VPS41: variants seen among roughly 807,000 people sequenced by gnomAD.
VPS41 encodes the protein VPS41 subunit of HOPS complex.
Under a neutral mutation model 130.9 loss-of-function variants are expected in VPS41, and 85 were observed. That is an observed-to-expected ratio of 0.65 (90% CI 0.55 to 0.78). The LOEUF (loss-of-function observed/expected upper bound fraction) is 0.78. Ranked by LOEUF, VPS41 falls within the 30% of genes least tolerant of loss-of-function variation. The pLI is 0.00. For synonymous variants in VPS41, 335 were observed against 332.9 expected (o/e 1.01, Z -0.07); for missense variants, 874 against 1,018.7 (o/e 0.86, Z 1.93).
intron 4 of VPS41, among the ~76,000 whole-genome samples, chr7:38,854,975 C>T (rs1007919125): frequency 6.6e-6 from 1 of 151,602 alleles, no homozygotes; most frequent in Non-Finnish European, 1.5e-5. Context: ...CTTTGGCAGG[C>T]CGAGGTGGGC....
At chr7:38,855,339 G>T (rs916558575) in intron 4 of VPS41, among the ~76,000 whole-genome samples, 2 of 151,790 alleles carry the variant, frequency 1.3e-5, no homozygotes, top group African/African-American at 4.8e-5. Flanking sequence ...CATTTCTTTT[G>T]CTGAAACATG....
intron 12 of VPS41, among the ~76,000 whole-genome samples, chr7:38,773,230 T>C (rs1784190202): frequency 6.6e-6 from 1 of 152,204 alleles, no homozygotes. Flanking sequence ...ATCTGAGGGT[T>C]TCCTGCAGAA....
At chr7:38,728,631 T>C in intron 26 of VPS41, 45 bp from the exon 27 acceptor site, 1 of 1,613,962 alleles carries the variant, frequency 6.2e-7, no homozygotes, top group Non-Finnish European at 8.5e-7. Context: ...TGTTTATACC[T>C]GCTTGGCCAT....
chr7:38,793,330 T>G (rs1490398183), intron 9 of VPS41, among the ~76,000 whole-genome samples: 1 of 152,178 alleles, frequency 6.6e-6, no homozygotes, highest in Non-Finnish European at 1.5e-5. Flanking sequence ...GCACACTTTA[T>G]TTTACTGTTT....
chr7:38,855,635 G>C (rs1023330452), intron 4 of VPS41, among the ~76,000 whole-genome samples: 1 of 152,256 alleles, frequency 6.6e-6, no homozygotes. Context: ...AATGTACAAG[G>C]AGATAAGGGT....
chr7:38,820,729 C>G (rs1051497248), intron 6 of VPS41, among the ~76,000 whole-genome samples: 7 of 152,186 alleles, frequency 4.6e-5, no homozygotes, highest in African/African-American at 1.7e-4. Context: ...GGTGAACTTT[C>G]TAGCCTCTCC....
chr7:38,793,715 C>T (rs1334071232), intron 9 of VPS41, among the ~76,000 whole-genome samples: 1 of 152,110 alleles, frequency 6.6e-6, no homozygotes, highest in African/African-American at 2.4e-5. Flanking sequence ...CCTCTGGAGG[C>T]TCTAGGGGAC....
chr7:38,726,812 C>G, intron 28 of VPS41, 97 bp downstream of exon 28: 1 of 1,070,872 alleles, frequency 9.3e-7, no homozygotes, highest in Non-Finnish European at 1.3e-6. Flanking sequence ...TTTTTTTAAC[C>G]CATACAGCCA....
chr7:38,746,767 C>A (rs1011394565), intron 22 of VPS41, among the ~76,000 whole-genome samples: 2 of 152,182 alleles, frequency 1.3e-5, no homozygotes, highest in Non-Finnish European at 2.9e-5. Context: ...GCATCCACAA[C>A]CTAGCCCTTA....
intron 2 of VPS41, among the ~76,000 whole-genome samples, chr7:38,869,516 C>G (rs141234113): frequency 5.9e-5 from 9 of 152,256 alleles, no homozygotes; most frequent in African/African-American, 2.2e-4. Context: ...ACATGTTCAA[C>G]CTTACTATTT....
rs1306858901 is a variant in VPS41 at position 38,900,848 on chromosome 7, A to C, written c.22-2719T>G. ...CACAATCCTACCAAAGCAATGCATG[A>C]GTGATGTCAAGAATTAGGCTGGTCT... is the stretch of plus-strand genomic sequence containing the variant. On this transcript the variant is annotated intron_variant, in intron 1 of 28. Coordinates refer to ENST00000310301, the MANE Select transcript of VPS41 (RefSeq NM_014396.4). Among the ~76,000 whole-genome samples, 3 of 152,216 alleles carry C rather than the reference A, an allele frequency of 2.0e-5. No homozygotes were observed. The East Asian group carries it at 5.8e-4, about 29-fold the overall frequency.
At chr7:38,771,280 T>TTA (rs1784148939) in intron 13 of VPS41, 26 bp from the exon 14 acceptor site, 2 of 1,298,440 alleles carry the variant, frequency 1.5e-6, no homozygotes, top group South Asian at 1.4e-5. Context: ...AAGGATGATT[T>TTA]AAAAAAAAAA....
intron 4 of VPS41, among the ~76,000 whole-genome samples, chr7:38,854,108 C>A (rs780656406): frequency 6.6e-6 from 1 of 152,122 alleles, no homozygotes; most frequent in Non-Finnish European, 1.5e-5. Context: ...TTTTCAATTC[C>A]TTTGACACAT....
At position 38,727,080 on chromosome 7, in the gene VPS41, ATT is replaced by A; in HGVS notation, c.2405-94_2405-93del. 6 of 1,227,024 alleles carry A rather than the reference ATT, an allele frequency of 4.9e-6. No homozygotes were observed. The South Asian group carries it at 1.3e-4, about 26-fold the overall frequency. The allele number at this position is 1,227,024 out of a possible 1,614,324, so 76.0% of individuals were successfully genotyped here. ...CGACTGAAAGTCGAGTTGCAGTTTA[ATT>A]TTCAGCAATAAGGTGCCTTTAGAGA... On this transcript the variant is annotated intron_variant, in intron 27 of 28. Transcript: ENST00000310301.
At chr7:38,842,634 T>C (rs1233272428) in intron 4 of VPS41, among the ~76,000 whole-genome samples, 1 of 152,246 alleles carries the variant, frequency 6.6e-6, no homozygotes, top group African/African-American at 2.4e-5. Flanking sequence ...TTCACAAGAT[T>C]CTAAACATCC....
In VPS41 at chr7:38,752,376, T is replaced by C. The variant is rs540066379; in HGVS notation, c.1789-63A>G. Reference sequence around the variant, plus strand: ...TGAGAAAAGCAATACCTGGCTAACATTGCTATTTTTAGCTCTAAACACCTC... The same window carrying C: ...TGAGAAAAGCAATACCTGGCTAACACTGCTATTTTTAGCTCTAAACACCTC... On this transcript the variant is annotated intron_variant, in intron 21 of 28. Coordinates refer to ENST00000310301, the MANE Select transcript of VPS41 (RefSeq NM_014396.4). 12 of 1,598,976 alleles carry C rather than the reference T, an allele frequency of 7.5e-6. No homozygotes were observed. In the African/African-American group the frequency reaches 1.2e-4, roughly 16 times the overall value.
At chr7:38,826,861 C>G (rs1785290941) in intron 5 of VPS41, among the ~76,000 whole-genome samples, 1 of 152,014 alleles carries the variant, frequency 6.6e-6, no homozygotes, top group Non-Finnish European at 1.5e-5. Flanking sequence ...CTCTGTCACC[C>G]AGGCTGGAGT....
intron 9 of VPS41, among the ~76,000 whole-genome samples, 160 bp downstream of exon 9, chr7:38,795,305 T>A (rs367730188): frequency 1.3e-5 from 2 of 152,184 alleles, no homozygotes; most frequent in African/African-American, 4.8e-5. Context: ...TTAAAACTTA[T>A]GCACAGGAAA....
Position 38,757,052 on chromosome 7 carries a change from G to A in VPS41, c.1551-70C>T. On this transcript the variant is annotated intron_variant, in intron 18 of 28. Transcript: ENST00000310301. Reference sequence around the variant, plus strand: ...ATTAAAACACACACAGAGAGATCATGGTTCACAATATTAAAAATGGAAACA... The same window carrying A: ...ATTAAAACACACACAGAGAGATCATAGTTCACAATATTAAAAATGGAAACA... 2.5e-6 allele frequency: 3 copies of A among 1,208,888 alleles called. No individual in the cohort carries two copies. The Admixed American group carries it at 6.8e-5, about 27-fold the overall frequency. The allele number at this position is 1,208,888 out of a possible 1,614,324, so 74.9% of individuals were successfully genotyped here.
Sources: allele counts gnomAD v4.1 joint callset (sites outside exome capture counted in the v4.1 genomes callset), GRCh38; gene constraint gnomAD v4.1.1; transcripts MANE v1.5; gene names NCBI Gene and HGNC (gene_info 2026-07-23, HGNC 2026-07-21).